WWOX: variants seen among roughly 807,000 people sequenced by gnomAD.
WWOX encodes the protein WW domain-containing oxidoreductase.
WWOX carries 69 observed loss-of-function variants against 46.2 expected under a neutral mutation model. That is an observed-to-expected ratio of 1.49 (90% CI 1.23 to 1.82). The LOEUF is 1.82. WWOX is among the 40% of genes most tolerant of loss of function. WWOX has a pLI of 0.00. For missense variants in WWOX, 919 were observed against 542.6 expected (o/e 1.69, Z -6.89); for synonymous variants, 359 against 202.6 (o/e 1.77, Z -6.56).
chr16:79,143,427 G>A (rs55842539), intron 8 of WWOX, among the ~76,000 whole-genome samples: 7,592 of 152,254 alleles, frequency 0.05, 626 homozygotes, highest in African/African-American at 0.17. Context: ...AAGGCTTTAT[G>A]ACTTACCTGA....
chr16:79,084,988 C>G (rs1423257287), intron 8 of WWOX, among the ~76,000 whole-genome samples: 1 of 151,144 alleles, frequency 6.6e-6, no homozygotes, highest in Non-Finnish European at 1.5e-5. Flanking sequence ...TGCAGTGGCA[C>G]AATTATAGCT....
At chr16:78,615,230 C>G (rs1282706096) in intron 8 of WWOX, among the ~76,000 whole-genome samples, 2 of 152,176 alleles carry the variant, frequency 1.3e-5, no homozygotes, top group African/African-American at 2.4e-5. Flanking sequence ...GGCATCACCA[C>G]TGTTGAAGGC....
At chr16:79,083,184 A>AC (rs1349660056) in intron 8 of WWOX, among the ~76,000 whole-genome samples, 12 of 152,148 alleles carry the variant, frequency 7.9e-5, no homozygotes, top group African/African-American at 2.9e-4. Flanking sequence ...CCCCTACTTG[A>AC]GGGCGCAGGT....
At chr16:78,831,035 C>A (rs1304153124) in intron 8 of WWOX, among the ~76,000 whole-genome samples, 2 of 152,136 alleles carry the variant, frequency 1.3e-5, no homozygotes, top group South Asian at 2.1e-4. Flanking sequence ...AAGGGGAGGG[C>A]AGAATGTGAT....
At chr16:79,164,054 T>C (rs955819815) in intron 8 of WWOX, among the ~76,000 whole-genome samples, 11 of 152,206 alleles carry the variant, frequency 7.2e-5, no homozygotes, top group East Asian at 3.9e-4. Flanking sequence ...TAGGCAGGCG[T>C]GATCGCGTTC....
chr16:79,131,690 C>G (rs1300109732), intron 8 of WWOX, among the ~76,000 whole-genome samples: 1 of 151,826 alleles, frequency 6.6e-6, no homozygotes, highest in Non-Finnish European at 1.5e-5. Context: ...GGTGTCTTAA[C>G]TTTTCAAAAA....
Position 78,610,607 on chromosome 16 carries a change from T to A in WWOX, c.1056+177855T>A, listed in dbSNP as rs563413228. 1.4e-4 allele frequency among the ~76,000 whole-genome samples: 21 copies of A among 152,214 alleles called. No homozygotes were observed. The East Asian group carries it at 4.1e-3, about 30-fold the overall frequency. Reference sequence around the variant, plus strand: ...TTATTGACTAGTCTCTCTGTGTGAGTTCTGAAAGTCTGTTTATATCTGTTG... The same window carrying A: ...TTATTGACTAGTCTCTCTGTGTGAGATCTGAAAGTCTGTTTATATCTGTTG... On this transcript the variant is annotated intron_variant, in intron 8 of 8. Coordinates refer to ENST00000566780, the MANE Select transcript of WWOX (RefSeq NM_016373.4).
intron 8 of WWOX, among the ~76,000 whole-genome samples, chr16:78,505,683 A>G (rs1346456333): frequency 6.6e-6 from 1 of 151,600 alleles, no homozygotes; most frequent in Non-Finnish European, 1.5e-5. Flanking sequence ...CCTCATTCCC[A>G]GTCCTGGCCA....
At chr16:78,959,519 T>A (rs1386771005) in intron 8 of WWOX, among the ~76,000 whole-genome samples, 3 of 152,040 alleles carry the variant, frequency 2.0e-5, no homozygotes, top group Non-Finnish European at 1.5e-5. Flanking sequence ...ACTCATGCAT[T>A]CATCCACCTG....
At chr16:78,373,341 T>G (rs1271424063) in intron 5 of WWOX, among the ~76,000 whole-genome samples, 1 of 152,232 alleles carries the variant, frequency 6.6e-6, no homozygotes, top group Non-Finnish European at 1.5e-5. Flanking sequence ...CAAGCTCATT[T>G]CATTTAGTGG....
intron 5 of WWOX, among the ~76,000 whole-genome samples, chr16:78,195,713 T>C (rs1363165976): frequency 6.7e-6 from 1 of 149,856 alleles, no homozygotes; most frequent in Non-Finnish European, 1.5e-5. Flanking sequence ...TCCCAGCTAG[T>C]TGGGAGGCTG....
chr16:78,830,695 A>G (rs1313549896), intron 8 of WWOX, among the ~76,000 whole-genome samples: 1 of 151,842 alleles, frequency 6.6e-6, no homozygotes, highest in Non-Finnish European at 1.5e-5. Context: ...ACGGCCGTGC[A>G]GCTTTCTGGG....
At chr16:78,930,457 T>C (rs963059621) in intron 8 of WWOX, among the ~76,000 whole-genome samples, 4 of 147,056 alleles carry the variant, frequency 2.7e-5, no homozygotes, top group African/African-American at 1.0e-4. Context: ...AATTTTTTTT[T>C]TTTTTTTTTT....
chr16:78,373,454 T>G (rs1209435828), intron 5 of WWOX, among the ~76,000 whole-genome samples: 1 of 152,182 alleles, frequency 6.6e-6, no homozygotes, highest in African/African-American at 2.4e-5. Flanking sequence ...GGAGTTACAT[T>G]CTCTTCTGCT....
intron 7 of WWOX, among the ~76,000 whole-genome samples, chr16:78,425,896 T>A (rs372147469): frequency 4.3e-4 from 65 of 152,052 alleles, no homozygotes; most frequent in African/African-American, 1.4e-3. Context: ...CCGTCTTAAG[T>A]CCTGAAATGT....
intron 8 of WWOX, among the ~76,000 whole-genome samples, chr16:78,657,603 C>A (rs950257692): frequency 2.6e-5 from 4 of 152,118 alleles, no homozygotes; most frequent in Non-Finnish European, 4.4e-5. Flanking sequence ...GCCTACTGGA[C>A]CTTTGTTTCT....
chr16:79,196,753 C>T (rs73584762), intron 8 of WWOX, among the ~76,000 whole-genome samples: 18,097 of 151,918 alleles, frequency 0.12, 1,239 homozygotes, highest in African/African-American at 0.18. Flanking sequence ...TTATTTGTTA[C>T]AACATGTAGA....
chr16:78,797,567 A>T lies in WWOX; in HGVS notation c.1056+364815A>T, dbSNP rs529203250. On this transcript the variant is annotated intron_variant, in intron 8 of 8. Transcript: ENST00000566780. ...CAACTCCAGTCTGGCTGCTTTTTCA[A>T]CCTGGGGCTTTAGTCATGTCAATAT... Among the ~76,000 whole-genome samples, 5 of 152,174 alleles carry T rather than the reference A, an allele frequency of 3.3e-5. No individual in the cohort carries two copies. The South Asian group carries it at 1.0e-3, about 32-fold the overall frequency.
At chr16:79,177,346 G>C (rs1340161649) in intron 8 of WWOX, among the ~76,000 whole-genome samples, 1 of 150,216 alleles carries the variant, frequency 6.7e-6, no homozygotes, top group Admixed American at 6.7e-5. Flanking sequence ...TTAAAGTACT[G>C]TACTTGTCAT....
Sources: allele counts gnomAD v4.1 joint callset (sites outside exome capture counted in the v4.1 genomes callset), GRCh38; gene constraint gnomAD v4.1.1; transcripts MANE v1.5; gene names NCBI Gene and HGNC (gene_info 2026-07-23, HGNC 2026-07-21).